The following PDCD6IP variants were observed in gnomAD, a reference collection of about 807,000 sequenced individuals.
PDCD6IP encodes programmed cell death 6 interacting protein, also known as programmed cell death 6-interacting protein.
PDCD6IP carries 43 observed loss-of-function variants against 103.7 expected under a neutral mutation model. The ratio of observed to expected loss-of-function variants is 0.41; its 90% CI spans 0.32 to 0.53. The LOEUF is 0.53. PDCD6IP is among the 20% of genes least tolerant of loss of function. PDCD6IP has a pLI of 0.16. For synonymous variants in PDCD6IP, 354 were observed against 378.7 expected (o/e 0.93, Z 0.76); for missense variants, 871 against 1,036.7 (o/e 0.84, Z 2.20).
At chr3:33,855,329 G>A in intron 15 of PDCD6IP, 69 bp downstream of exon 15, 3 of 948,730 alleles carry the variant, frequency 3.2e-6, no homozygotes, top group South Asian at 2.8e-5. Flanking sequence ...AGAGACTTTT[G>A]GTATGAACTT....
chr3:33,856,413 A>G (rs1234953131), intron 15 of PDCD6IP, among the ~76,000 whole-genome samples: 1 of 152,190 alleles, frequency 6.6e-6, no homozygotes, highest in Non-Finnish European at 1.5e-5. Context: ...ACTAAAGAAC[A>G]CACAGGAACA....
intron 3 of PDCD6IP, among the ~76,000 whole-genome samples, chr3:33,819,063 T>A (rs1341575167): frequency 1.3e-5 from 2 of 152,136 alleles, no homozygotes; most frequent in African/African-American, 2.4e-5. Flanking sequence ...ATTTCTTTGA[T>A]AATTTTCTTG....
intron 1 of PDCD6IP, 29 bp downstream of exon 1, chr3:33,798,966 T>A (rs1696400364): frequency 6.7e-7 from 1 of 1,489,990 alleles, no homozygotes; most frequent in Non-Finnish European, 9.0e-7. Flanking sequence ...GTGGGTAGGT[T>A]GTCTGCCAGC....
At chr3:33,852,921 A>G (rs1028898302) in intron 13 of PDCD6IP, among the ~76,000 whole-genome samples, 185 bp downstream of exon 13, 1 of 135,736 alleles carries the variant, frequency 7.4e-6, no homozygotes, top group East Asian at 2.4e-4. Flanking sequence ...AAACAAAGTC[A>G]CTTCTTTTTT....
At chr3:33,850,254 T>G (rs1413575042) in intron 12 of PDCD6IP, among the ~76,000 whole-genome samples, 1 of 152,182 alleles carries the variant, frequency 6.6e-6, no homozygotes, top group Non-Finnish European at 1.5e-5. Context: ...GGGAGTATAG[T>G]CAGAGTTGAA....
At chr3:33,842,829 T>C (rs1212045093) in intron 10 of PDCD6IP, among the ~76,000 whole-genome samples, 1 of 152,242 alleles carries the variant, frequency 6.6e-6, no homozygotes, top group Non-Finnish European at 1.5e-5. Context: ...TTCCTCATTC[T>C]GTTCCAAGAT....
At chr3:33,865,141 G>A (rs1166917603) in intron 16 of PDCD6IP, 102 bp from the exon 17 acceptor site, 1 of 694,088 alleles carries the variant, frequency 1.4e-6, no homozygotes, top group African/African-American at 1.9e-5. Context: ...AATATATTTG[G>A]TTGGATTCTA....
chr3:33,845,308 A>G (rs1224301227), intron 11 of PDCD6IP, 111 bp from the exon 12 acceptor site: 11 of 673,888 alleles, frequency 1.6e-5, no homozygotes, highest in Admixed American at 9.0e-5. Flanking sequence ...ATTGGGGTCT[A>G]TAGAAGGGGA....
At chr3:33,856,897 G>T (rs973884202) in intron 15 of PDCD6IP, among the ~76,000 whole-genome samples, 16 of 151,966 alleles carry the variant, frequency 1.1e-4, no homozygotes, top group Admixed American at 2.6e-4. Context: ...TGTCTTTTGG[G>T]TACATAAAAA....
chr3:33,841,417 G>C lies in PDCD6IP; in HGVS notation c.1182-480G>C, dbSNP rs114369503. 6.4e-3 allele frequency among the ~76,000 whole-genome samples: 752 copies of C among 116,952 alleles called. 6 individuals are homozygous for C. Among genetic ancestry groups the C allele is most frequent in the African/African-American group, 0.023 (720 of 31,984 alleles). 76.7% of individuals were successfully genotyped at this position (116,952 alleles called of 152,430 possible). A position where few individuals can be genotyped will look rare whatever the true frequency, so the allele number is the denominator to read the frequency against. On this transcript the variant is annotated intron_variant, in intron 9 of 17. Transcript: ENST00000307296. Reference sequence around the variant, plus strand: ...AATCACTGATTTTTTTTGTTTTTCTGTTAATCTTTGCTTTGCTTTTTTTTT... The same window carrying C: ...AATCACTGATTTTTTTTGTTTTTCTCTTAATCTTTGCTTTGCTTTTTTTTT...
chr3:33,830,513 A>C (rs1380411729), intron 7 of PDCD6IP, among the ~76,000 whole-genome samples: 1 of 152,180 alleles, frequency 6.6e-6, no homozygotes, highest in Non-Finnish European at 1.5e-5. Flanking sequence ...GGAGGGAGGT[A>C]AATACTTTTC....
intron 1 of PDCD6IP, among the ~76,000 whole-genome samples, chr3:33,802,524 T>C (rs1696499206): frequency 6.6e-6 from 1 of 151,618 alleles, no homozygotes. Context: ...AGTTTTGCTC[T>C]TGTTACCCAG....
rs369972606 is a variant in PDCD6IP at position 33,865,205 on chromosome 3, T to G, written c.2245-38T>G. ...AATTAATAGCAATTTGAGAGAAATA[T>G]GAAACATTTTATAGTCAATGCTGAC... On this transcript the variant is annotated intron_variant, in intron 16 of 17. Transcript: ENST00000307296. 1.1e-5 allele frequency: 16 copies of G among 1,399,442 alleles called. No individual in the cohort carries two copies. In the African/African-American group the frequency reaches 1.8e-4, roughly 16 times the overall value. 86.7% of individuals were successfully genotyped at this position (1,399,442 alleles called of 1,614,324 possible).
Position 33,836,179 on chromosome 3 carries a change from C to T in PDCD6IP, c.970C>T (p.Pro324Ser). 6.2e-7 allele frequency: 1 copy of T among 1,613,138 alleles called. No individual in the cohort carries two copies. Among genetic ancestry groups the T allele is most frequent in the Non-Finnish European group, 8.5e-7 (1 of 1,179,130 alleles). The part of the protein sequence containing the change: ...DNDFIYHDRV[P>S]DLKDLDPIGK... ...TGACTTCATTTATCATGATCGAGTTCCAGACCTTAAAGATCTAGATCCTAT... is the reference window on the plus strand; with the variant it reads ...TGACTTCATTTATCATGATCGAGTTTCAGACCTTAAAGATCTAGATCCTAT... Residue 324 changes from proline (P) to serine (S), a missense_variant, in exon 8 of 18, where the codon CCA (proline) becomes TCA (serine). By Grantham distance (74) the Pro-to-Ser change is moderately conservative. Transcript: ENST00000307296.
chr3:33,833,053 A>AT (rs1176108781), intron 7 of PDCD6IP, among the ~76,000 whole-genome samples: 1 of 151,798 alleles, frequency 6.6e-6, no homozygotes, highest in Non-Finnish European at 1.5e-5. Context: ...TCCTTTCCTC[A>AT]TTTTTTTGGA....
intron 1 of PDCD6IP, among the ~76,000 whole-genome samples, chr3:33,805,262 A>G (rs1025612240): frequency 3.3e-5 from 5 of 151,612 alleles, no homozygotes; most frequent in African/African-American, 1.2e-4. Context: ...AGGCTGAGGC[A>G]GAGAATTGCT....
At chr3:33,812,550 A>G (rs1424370821) in intron 2 of PDCD6IP, among the ~76,000 whole-genome samples, 1 of 152,264 alleles carries the variant, frequency 6.6e-6, no homozygotes, top group Non-Finnish European at 1.5e-5. Context: ...AATGTTAATT[A>G]CATGAATGTC....
chr3:33,809,269 C>T (rs940484411), intron 1 of PDCD6IP, among the ~76,000 whole-genome samples: 1 of 152,136 alleles, frequency 6.6e-6, no homozygotes, highest in Non-Finnish European at 1.5e-5. Flanking sequence ...TGTCCTAAAA[C>T]TGGTGCATAG....
rs1435917283 is a variant in PDCD6IP, at chr3:33,852,649, T to G, written c.1803T>G (p.Val601=). Residue 601 remains valine, a synonymous_variant, in exon 13 of 18, where the codon GTT becomes GTG. Coordinates refer to ENST00000307296, the MANE Select transcript of PDCD6IP (RefSeq NM_013374.6). ...TGATAAATGAAGAAGCTCTTTCTGT[T>G]ACTGAACTAGATCGAGTCTATGGAG... The part of the protein sequence containing the change: ...DGVINEEALS[V]TELDRVYGGL... 13 of 1,600,818 alleles carry G rather than the reference T, an allele frequency of 8.1e-6. No individual in the cohort carries two copies. Among genetic ancestry groups the G allele is most frequent in the African/African-American group, 1.4e-5 (1 of 73,846 alleles).
Sources: gnomAD v4.1 joint callset for allele counts (sites outside exome capture counted in the v4.1 genomes callset) on GRCh38, gnomAD v4.1.1 for gene constraint, MANE v1.5 for transcripts, NCBI Gene and HGNC (gene_info 2026-07-23, HGNC 2026-07-21) for gene names.